LIN54: variants seen among roughly 807,000 people sequenced by gnomAD.
LIN54 encodes lin-54 DREAM MuvB core complex component.
In LIN54, 9 loss-of-function variants were observed where a neutral mutation model predicts 78.7. The observed-to-expected ratio is 0.11, with a 90% CI of 0.07 to 0.20. The LOEUF (loss-of-function observed/expected upper bound fraction) is 0.20, where lower values mean the gene tolerates loss of function less well. Ranked by LOEUF, LIN54 falls within the 10% of genes least tolerant of loss-of-function variation. LIN54 has a pLI of 1.00. For synonymous variants in LIN54, 269 were observed against 318.4 expected (o/e 0.84, Z 1.65); for missense variants, 573 against 889.9 (o/e 0.64, Z 4.53).
intron 2 of LIN54, among the ~76,000 whole-genome samples, chr4:82,981,964 G>A (rs932413156): frequency 6.6e-6 from 1 of 152,070 alleles, no homozygotes; most frequent in Admixed American, 6.6e-5. Flanking sequence ...AGCTTGGGGG[G>A]TCAAGGCTGC....
At chr4:82,988,523 C>T (rs780365254) in intron 1 of LIN54, among the ~76,000 whole-genome samples, 8 of 152,130 alleles carry the variant, frequency 5.3e-5, no homozygotes, top group Non-Finnish European at 8.8e-5. Context: ...TCAGAAAATA[C>T]GTTTTTCATT....
At chr4:83,000,827 C>CTTTTTTTTTTTTTTTTTTTTTTTTTT (rs1553959274) in intron 1 of LIN54, among the ~76,000 whole-genome samples, 3 of 120,540 alleles carry the variant, frequency 2.5e-5, no homozygotes, top group Non-Finnish European at 4.9e-5. Flanking sequence ...GCAATAAATT[C>CTTTTTTTTTTTTTTTTTTTTTTTTTT]TTTTTTTTTT....
chr4:82,969,836 A>G (rs1725498983), intron 4 of LIN54, among the ~76,000 whole-genome samples: 1 of 152,206 alleles, frequency 6.6e-6, no homozygotes, highest in South Asian at 2.1e-4. Flanking sequence ...AAGCATTTGA[A>G]TGCTTCCAAT....
chr4:82,990,242 T>C (rs1727546347), intron 1 of LIN54, among the ~76,000 whole-genome samples: 1 of 152,224 alleles, frequency 6.6e-6, no homozygotes, highest in African/African-American at 2.4e-5. Flanking sequence ...TCAACTCTCT[T>C]TGAAAGCTAA....
intron 1 of LIN54, among the ~76,000 whole-genome samples, chr4:82,993,183 T>C (rs1277853266): frequency 6.6e-6 from 1 of 151,220 alleles, no homozygotes; most frequent in Non-Finnish European, 1.5e-5. Flanking sequence ...TTTACCTCTT[T>C]GCTTCTGTTT....
chr4:83,001,009 G>A (rs1271311569), intron 1 of LIN54, among the ~76,000 whole-genome samples: 1 of 151,622 alleles, frequency 6.6e-6, no homozygotes, highest in African/African-American at 2.4e-5. Context: ...GGAGAGATGG[G>A]GTTCTGCCAT....
At chr4:82,931,630 C>T (rs1263513949) in intron 11 of LIN54, among the ~76,000 whole-genome samples, 1 of 152,096 alleles carries the variant, frequency 6.6e-6, no homozygotes, top group African/African-American at 2.4e-5. Context: ...TCGGGAGGGA[C>T]TTCAGATTCC....
intron 4 of LIN54, among the ~76,000 whole-genome samples, 172 bp from the exon 5 acceptor site, chr4:82,946,646 T>C (rs1485673588): frequency 4.6e-5 from 7 of 152,136 alleles, no homozygotes; most frequent in Non-Finnish European, 1.0e-4. Flanking sequence ...AATACAGAAA[T>C]AAAACCAAAA....
intron 12 of LIN54, among the ~76,000 whole-genome samples, chr4:82,928,532 C>T (rs1721672816): frequency 1.3e-5 from 2 of 152,162 alleles, no homozygotes; most frequent in Admixed American, 1.3e-4. Context: ...TAACATAAAA[C>T]ACGTTACTTA....
At chr4:82,950,945 T>C (rs1228142069) in intron 4 of LIN54, among the ~76,000 whole-genome samples, 1 of 152,136 alleles carries the variant, frequency 6.6e-6, no homozygotes, top group African/African-American at 2.4e-5. Flanking sequence ...TGTAGATATG[T>C]AGATAAGAAA....
intron 4 of LIN54, among the ~76,000 whole-genome samples, chr4:82,950,450 T>C (rs1234286962): frequency 6.6e-6 from 1 of 152,230 alleles, no homozygotes; most frequent in African/African-American, 2.4e-5. Flanking sequence ...ACACATTTCA[T>C]TGCTTGAGAG....
chr4:82,992,181 A>G (rs574227407), intron 1 of LIN54, among the ~76,000 whole-genome samples: 4 of 152,172 alleles, frequency 2.6e-5, no homozygotes, highest in Non-Finnish European at 5.9e-5. Flanking sequence ...AACCTGGGAT[A>G]TTTGATAGTT....
rs180740375 is a variant in LIN54, at chr4:82,960,309, C to T, written c.951+10018G>A. Among the ~76,000 whole-genome samples the T allele has an allele frequency of 2.6e-4, 3 of 11,410 alleles. No homozygotes were observed. In the East Asian group the frequency reaches 9.1e-3, roughly 35 times the overall value. 7.5% of individuals were successfully genotyped at this position (11,410 alleles called of 152,430 possible). A position where few individuals can be genotyped will look rare whatever the true frequency, so the allele number is the denominator to read the frequency against. On this transcript the variant is annotated intron_variant, in intron 4 of 12. Transcript: ENST00000340417. ...TCACGAGTAGCTAGGACACTACAGG[C>T]ACACACCAGCGGTGTGTAGAGTTGG...
chr4:83,009,152 G>T (rs1729652361), intron 1 of LIN54, among the ~76,000 whole-genome samples: 1 of 152,096 alleles, frequency 6.6e-6, no homozygotes, highest in Admixed American at 6.6e-5. Context: ...TATTCTTCTA[G>T]TAAGTGAAAG....
At chr4:82,930,777 G>A (rs1721882500) in intron 12 of LIN54, among the ~76,000 whole-genome samples, 166 bp downstream of exon 12, 1 of 152,098 alleles carries the variant, frequency 6.6e-6, no homozygotes, top group South Asian at 2.1e-4. Flanking sequence ...ATCTGACAGT[G>A]GTTTCTGTTA....
intron 4 of LIN54, among the ~76,000 whole-genome samples, chr4:82,956,782 T>C (rs1284745545): frequency 6.6e-6 from 1 of 152,042 alleles, no homozygotes; most frequent in Non-Finnish European, 1.5e-5. Context: ...GGAGGAGTCT[T>C]TCTTCTTTTT....
At chr4:82,933,156 C>T (rs1224585872) in intron 11 of LIN54, among the ~76,000 whole-genome samples, 1 of 151,424 alleles carries the variant, frequency 6.6e-6, no homozygotes, top group African/African-American at 2.4e-5. Context: ...TAAAGCAATA[C>T]TTAATAAGCA....
At chr4:82,995,267 T>TCTC (rs1728093995) in intron 1 of LIN54, among the ~76,000 whole-genome samples, 1 of 151,924 alleles carries the variant, frequency 6.6e-6, no homozygotes, top group South Asian at 2.1e-4. Flanking sequence ...GCCACTGCAC[T>TCTC]CTGGCCTGGG....
intron 1 of LIN54, among the ~76,000 whole-genome samples, chr4:82,987,475 T>G (rs1011845174): frequency 6.6e-6 from 1 of 152,140 alleles, no homozygotes; most frequent in Non-Finnish European, 1.5e-5. Context: ...CAGGTATACG[T>G]GTGCCATGGT....
Sources: allele counts gnomAD v4.1 joint callset (sites outside exome capture counted in the v4.1 genomes callset), GRCh38; gene constraint gnomAD v4.1.1; transcripts MANE v1.5; gene names NCBI Gene and HGNC (gene_info 2026-07-23, HGNC 2026-07-21).